KRAS: variants seen among roughly 807,000 people sequenced by gnomAD.
KRAS encodes the protein GTPase KRas.
KRAS carries 1 observed loss-of-function variant against 21.0 expected under a neutral mutation model. The observed-to-expected ratio is 0.05, with a 90% CI of 0.02 to 0.23. The LOEUF (loss-of-function observed/expected upper bound fraction) is 0.23. Among genes scored for constraint, KRAS ranks in the 10% least tolerant of loss-of-function variants. KRAS has a pLI of 1.00. For missense variants in KRAS, 107 were observed against 221.8 expected (o/e 0.48, Z 3.29); for synonymous variants, 67 against 72.5 (o/e 0.92, Z 0.39).
chr12:25,242,305 G>T (rs565870813), intron 2 of KRAS, among the ~76,000 whole-genome samples: 1 of 151,982 alleles, frequency 6.6e-6, no homozygotes, highest in Non-Finnish European at 1.5e-5. Context: ...TATATATTTG[G>T]TAAGTGATCA....
chr12:25,228,726 A>G (rs1450310179), intron 2 of KRAS, among the ~76,000 whole-genome samples: 1 of 152,218 alleles, frequency 6.6e-6, no homozygotes, highest in Non-Finnish European at 1.5e-5. Flanking sequence ...GTTGCACAAC[A>G]TTATGAACAC....
At chr12:25,244,598 A>T (rs965426098) in intron 2 of KRAS, among the ~76,000 whole-genome samples, 1 of 152,114 alleles carries the variant, frequency 6.6e-6, no homozygotes, top group Non-Finnish European at 1.5e-5. Context: ...GCTGGTCTTT[A>T]CTTTGGTAAA....
intron 1 of KRAS, among the ~76,000 whole-genome samples, chr12:25,246,614 A>T (rs1366012111): frequency 6.6e-6 from 1 of 152,102 alleles, no homozygotes. Flanking sequence ...GTAAGAAAAC[A>T]GCTGTTAAGA....
rs1038650305 is a variant in KRAS, at chr12:25,208,505, T to TA, written c.*1289dup. On this transcript the variant is annotated 3_prime_UTR_variant, in exon 5 of 5. Coordinates refer to ENST00000311936, the MANE Select transcript of KRAS (RefSeq NM_004985.5). ...TGTAAAACTTTTTCACTTCATTGTT[T>TA]AAAAAAAAAATTAATGTCTTGGCAC... is the stretch of plus-strand genomic sequence containing the variant. The TA allele has an allele frequency of 2.6e-4, 59 of 226,502 alleles. No homozygotes were observed. The highest frequency in any genetic ancestry group is 1.3e-3 in the Middle Eastern group (1 of 770). 14.0% of individuals were successfully genotyped at this position (226,502 alleles called of 1,614,324 possible).
At chr12:25,227,713 C>G (rs1294249351) in intron 2 of KRAS, among the ~76,000 whole-genome samples, 2 of 152,008 alleles carry the variant, frequency 1.3e-5, no homozygotes, top group Non-Finnish European at 2.9e-5. Context: ...TAAGTGTTAG[C>G]AAGGATACAG....
chr12:25,250,191 C>T (rs973398836), intron 1 of KRAS, among the ~76,000 whole-genome samples: 7 of 152,222 alleles, frequency 4.6e-5, no homozygotes, highest in African/African-American at 1.7e-4. Flanking sequence ...CTTACTCACA[C>T]ATCCCCTACA....
intron 1 of KRAS, among the ~76,000 whole-genome samples, chr12:25,245,626 G>C (rs911256990): frequency 6.6e-6 from 1 of 152,188 alleles, no homozygotes; most frequent in African/African-American, 2.4e-5. Context: ...TAAGAAAAAT[G>C]CATAAATGCT....
At chr12:25,226,995 A>G (rs1390736972) in intron 3 of KRAS, among the ~76,000 whole-genome samples, 1 of 152,168 alleles carries the variant, frequency 6.6e-6, no homozygotes, top group Admixed American at 6.5e-5. Flanking sequence ...AAGGCTGTGG[A>G]GTCAAACAGG....
chr12:25,211,502 G>C (rs1242889259), intron 4 of KRAS, among the ~76,000 whole-genome samples: 1 of 152,038 alleles, frequency 6.6e-6, no homozygotes, highest in Non-Finnish European at 1.5e-5. Context: ...TGAACCCGGA[G>C]AGGCGAAGTG....
chr12:25,226,229 G>C (rs981694248), intron 3 of KRAS, among the ~76,000 whole-genome samples: 1 of 152,032 alleles, frequency 6.6e-6, no homozygotes, highest in Non-Finnish European at 1.5e-5. Context: ...TTGATTTCTA[G>C]GTAGGCAACA....
intron 2 of KRAS, chr12:25,235,314 A>C (rs2135794101): frequency 2.1e-6 from 1 of 477,800 alleles, no homozygotes; most frequent in Non-Finnish European, 3.9e-6. Context: ...TTCACTGTAG[A>C]ATGATGTGTT....
intron 4 of KRAS, among the ~76,000 whole-genome samples, chr12:25,212,870 G>C (rs1053167570): frequency 6.6e-6 from 1 of 152,056 alleles, no homozygotes; most frequent in African/African-American, 2.4e-5. Context: ...TTATAAGTGT[G>C]AGCCACTGTC....
At chr12:25,219,430 TATAGAG>T (rs1210050410) in intron 4 of KRAS, among the ~76,000 whole-genome samples, 2 of 152,222 alleles carry the variant, frequency 1.3e-5, no homozygotes, top group Admixed American at 1.3e-4. Flanking sequence ...AAGCACTCCA[TATAGAG>T]AAAGTACTGT....
At chr12:25,217,676 G>A (rs1359073378) in intron 4 of KRAS, among the ~76,000 whole-genome samples, 3 of 152,124 alleles carry the variant, frequency 2.0e-5, no homozygotes, top group Non-Finnish European at 4.4e-5. Context: ...ACTAATGCCT[G>A]TAGTACCAGC....
At chr12:25,224,259 A>G (rs1951362533) in intron 4 of KRAS, among the ~76,000 whole-genome samples, 1 of 151,840 alleles carries the variant, frequency 6.6e-6, no homozygotes, top group Admixed American at 6.6e-5. Context: ...ATTCCAAAAG[A>G]AGGCAATGTT....
chr12:25,228,646 A>G (rs1176751600), intron 2 of KRAS, among the ~76,000 whole-genome samples: 1 of 152,156 alleles, frequency 6.6e-6, no homozygotes, highest in African/African-American at 2.4e-5. Context: ...CAGGTACAGA[A>G]TTCTAATTTG....
chr12:25,248,098 C>A (rs544021932), intron 1 of KRAS, among the ~76,000 whole-genome samples: 1 of 151,916 alleles, frequency 6.6e-6, no homozygotes, highest in Non-Finnish European at 1.5e-5. Flanking sequence ...TGGCCTCAAG[C>A]GATCCTCCCG....
chr12:25,230,961 A>G (rs1951459650), intron 2 of KRAS, among the ~76,000 whole-genome samples: 2 of 152,192 alleles, frequency 1.3e-5, no homozygotes, highest in Non-Finnish European at 1.5e-5. Flanking sequence ...AAACCATTCT[A>G]AAGAGTAATG....
intron 4 of KRAS, among the ~76,000 whole-genome samples, chr12:25,211,499 G>A (rs1053041816): frequency 5.3e-5 from 8 of 152,002 alleles, no homozygotes; most frequent in Non-Finnish European, 7.4e-5. Flanking sequence ...TGCTGAACCC[G>A]GAGAGGCGAA....
Sources: allele counts gnomAD v4.1 joint callset (sites outside exome capture counted in the v4.1 genomes callset), GRCh38; gene constraint gnomAD v4.1.1; transcripts MANE v1.5; gene names NCBI Gene and HGNC (gene_info 2026-07-23, HGNC 2026-07-21).